Variants in FSTL4 observed in about 807,000 individuals in gnomAD.
FSTL4 encodes the protein follistatin like 4, also known as follistatin-related protein 4.
A neutral mutation model predicts 78.2 loss-of-function variants in FSTL4; 28 were observed. The observed-to-expected ratio is 0.36, with a 90% CI of 0.27 to 0.49. FSTL4 has a LOEUF of 0.49. FSTL4 is among the 20% of genes least tolerant of loss of function. FSTL4 has a pLI of 0.98. For missense variants in FSTL4, 922 were observed against 1,084.9 expected, an observed-to-expected ratio of 0.85 and a Z score of 2.11; for synonymous variants, 422 against 440.5, an observed-to-expected ratio of 0.96 and a Z score of 0.53.
At chr5:133,581,118 T>C (rs928736388) in intron 2 of FSTL4, among the ~76,000 whole-genome samples, 1 of 152,216 alleles carries the variant, frequency 6.6e-6, no homozygotes, top group South Asian at 2.1e-4. Flanking sequence ...ATAACACTTA[T>C]ATTAAAAATG....
intron 6 of FSTL4, among the ~76,000 whole-genome samples, chr5:133,286,806 CT>C (rs1212345999): frequency 6.6e-6 from 1 of 152,180 alleles, no homozygotes; most frequent in Non-Finnish European, 1.5e-5. Flanking sequence ...TCTGTTTTTA[CT>C]TTAAGTGTCT....
chr5:133,495,713 G>C (rs1175456693), intron 3 of FSTL4, among the ~76,000 whole-genome samples: 1 of 152,168 alleles, frequency 6.6e-6, no homozygotes, highest in Non-Finnish European at 1.5e-5. Flanking sequence ...AGGCAACCTT[G>C]TGTAAACTAG....
chr5:133,506,335 G>A lies in FSTL4; in HGVS notation c.160+60851C>T, dbSNP rs187125024. Among the ~76,000 whole-genome samples, 15 of 152,240 alleles carry A rather than the reference G, an allele frequency of 9.9e-5. No individual in the cohort carries two copies. The East Asian group carries it at 2.9e-3, about 29-fold the overall frequency. ...GAGGACCTTGTGCCAGGATAGCAGC[G>A]AATGCACAGCAGGATAATATTAAGC... On this transcript the variant is annotated intron_variant, in intron 3 of 15. Coordinates refer to ENST00000265342, the MANE Select transcript of FSTL4 (RefSeq NM_015082.2).
chr5:133,293,952 G>T (rs558937072), intron 6 of FSTL4, among the ~76,000 whole-genome samples: 2 of 152,166 alleles, frequency 1.3e-5, no homozygotes, highest in Admixed American at 1.3e-4. Flanking sequence ...ATTTGTCCAT[G>T]GCACGGGACG....
At chr5:133,701,082 C>G in the FSTL4 span, among the ~76,000 whole-genome samples, 2 of 152,086 alleles carry the variant, frequency 1.3e-5, no homozygotes, top group Admixed American at 1.3e-4. Context: ...TTGACTGCCC[C>G]AGGGGGACAT....
the FSTL4 span, among the ~76,000 whole-genome samples, chr5:133,621,068 TAC>T: frequency 6.6e-6 from 1 of 152,168 alleles, no homozygotes; most frequent in Non-Finnish European, 1.5e-5. Context: ...GTCGTATATA[TAC>T]ACGACAGAAT....
chr5:133,215,620 A>G (rs773221433), intron 13 of FSTL4, among the ~76,000 whole-genome samples: 1 of 152,218 alleles, frequency 6.6e-6, no homozygotes, highest in Non-Finnish European at 1.5e-5. Context: ...ATATTGCTGT[A>G]GTAACCAATT....
At chr5:133,381,302 A>G (rs1755563000) in intron 4 of FSTL4, among the ~76,000 whole-genome samples, 2 of 152,244 alleles carry the variant, frequency 1.3e-5, no homozygotes, top group Non-Finnish European at 2.9e-5. Context: ...TAGTTATACA[A>G]GGGGATATCC....
the FSTL4 span, among the ~76,000 whole-genome samples, chr5:133,635,430 T>C: frequency 1.3e-5 from 2 of 152,188 alleles, no homozygotes; most frequent in Non-Finnish European, 2.9e-5. Context: ...TATATGTATA[T>C]GGGAAAGTAC....
At chr5:133,601,634 T>G (rs566036695) in intron 2 of FSTL4, among the ~76,000 whole-genome samples, 1 of 150,404 alleles carries the variant, frequency 6.6e-6, no homozygotes, top group Non-Finnish European at 1.5e-5. Context: ...AAATAAATGT[T>G]CTGCTCTCTG....
chr5:133,275,325 C>T (rs1245645110), intron 6 of FSTL4, among the ~76,000 whole-genome samples: 4 of 151,914 alleles, frequency 2.6e-5, no homozygotes, highest in Non-Finnish European at 4.4e-5. Flanking sequence ...TTTGGGAGGC[C>T]GAGACAGGCA....
intron 7 of FSTL4, chr5:133,244,790 C>A (rs1004605828): frequency 6.6e-6 from 1 of 152,272 alleles, no homozygotes; most frequent in Non-Finnish European, 1.5e-5. Context: ...AGGAGACATA[C>A]CAGGTCCAGG....
intron 4 of FSTL4, among the ~76,000 whole-genome samples, chr5:133,374,491 T>C (rs1271582052): frequency 6.6e-6 from 1 of 152,164 alleles, no homozygotes; most frequent in Non-Finnish European, 1.5e-5. Flanking sequence ...TACTACCATC[T>C]TGGTTAAATA....
chr5:133,540,611 G>A (rs1050641375), intron 3 of FSTL4, among the ~76,000 whole-genome samples: 3 of 150,410 alleles, frequency 2.0e-5, no homozygotes, highest in African/African-American at 4.9e-5. Flanking sequence ...CCACCTTTGA[G>A]AGGCTGGAAA....
intron 4 of FSTL4, among the ~76,000 whole-genome samples, chr5:133,376,837 C>T (rs538488164): frequency 1.0e-4 from 15 of 147,082 alleles, no homozygotes; most frequent in East Asian, 4.1e-4. Flanking sequence ...TGCAGTGAGC[C>T]GAGATTGTGC....
At chr5:133,477,763 T>A (rs1757953116) in intron 3 of FSTL4, among the ~76,000 whole-genome samples, 1 of 152,062 alleles carries the variant, frequency 6.6e-6, no homozygotes, top group Non-Finnish European at 1.5e-5. Flanking sequence ...CTTCAAACTT[T>A]ATCTTCAAAA....
At chr5:133,243,506 G>A (rs1370333197) in intron 7 of FSTL4, among the ~76,000 whole-genome samples, 1 of 152,158 alleles carries the variant, frequency 6.6e-6, no homozygotes, top group African/African-American at 2.4e-5. Flanking sequence ...CATTCCACTG[G>A]GGCCTGGGAA....
chr5:133,243,249 A>G (rs1751931219), intron 7 of FSTL4, among the ~76,000 whole-genome samples: 1 of 152,186 alleles, frequency 6.6e-6, no homozygotes, highest in African/African-American at 2.4e-5. Flanking sequence ...AAAAAAACCC[A>G]AAACAAAAAA....
the FSTL4 span, among the ~76,000 whole-genome samples, chr5:133,822,120 T>C: frequency 6.6e-6 from 1 of 152,210 alleles, no homozygotes; most frequent in Non-Finnish European, 1.5e-5. Context: ...ATGTCTTTGA[T>C]GTATGAACAC....
Sources: allele counts gnomAD v4.1 joint callset (sites outside exome capture counted in the v4.1 genomes callset), GRCh38; gene constraint gnomAD v4.1.1; transcripts MANE v1.5; gene names NCBI Gene and HGNC (gene_info 2026-07-23, HGNC 2026-07-21).